PGAP6: variants seen among roughly 807,000 people sequenced by gnomAD.
The protein encoded by PGAP6 is post-GPI attachment to proteins 6.
In PGAP6, 62 loss-of-function variants were observed where a neutral mutation model predicts 68.4. The observed-to-expected ratio is 0.91, with a 90% CI of 0.74 to 1.12. PGAP6 has a LOEUF of 1.12. Ranked by LOEUF, PGAP6 falls within the 50% of genes most tolerant of loss-of-function variation. PGAP6 has a pLI of 0.00. For missense variants in PGAP6, 1,188 were observed against 1,068.5 expected (o/e 1.11, Z -1.56); for synonymous variants, 575 against 474.0 (o/e 1.21, Z -2.77).
chr16:377,465 A>G lies in PGAP6; in HGVS notation c.420T>C (p.Asn140=), dbSNP rs2054395824. The change falls in exon 3 of 13, where the codon AAT becomes AAC. Residue 140 remains asparagine, a synonymous_variant. Coordinates refer to ENST00000431232, the MANE Select transcript of PGAP6 (RefSeq NM_021259.3). ...GVPLSTTPRS[N]ASVNVSHPAP... ...CCGGGTGGGAAACGTTGACGGAGGC[A>G]TTGCTTCTCGGTGTGGTGCTCAGCG... 6 of 1,610,492 alleles carry G rather than the reference A, an allele frequency of 3.7e-6. No homozygotes were observed. The highest frequency in any genetic ancestry group is 1.6e-4 in the Middle Eastern group (1 of 6,064).
In PGAP6 at chr16:373,804, C is replaced by A. The variant is rs577465625; in HGVS notation, c.1902+201G>T. Among the ~76,000 whole-genome samples the A allele has an allele frequency of 1.0e-4, 14 of 137,004 alleles. No individual in the cohort carries two copies. In the East Asian group the frequency reaches 2.6e-3, roughly 25 times the overall value. 89.9% of individuals were successfully genotyped at this position (137,004 alleles called of 152,430 possible). On this transcript the variant is annotated intron_variant, in intron 11 of 12. Transcript: ENST00000431232. ...GATTACAGGTGTGAGCCACCATGCT[C>A]GGCCAAGGCATTACAGGTGTGAGCC...
chr16:374,350 G>A lies in PGAP6; in HGVS notation c.1626C>T (p.Ala542=). 1 of 1,601,770 alleles carries A rather than the reference G, an allele frequency of 6.2e-7. No homozygotes were observed. Among genetic ancestry groups the A allele is most frequent in the Non-Finnish European group, 8.5e-7 (1 of 1,178,928 alleles). ...GCAGCAGTGTGGCCGCCCTCTGCTG[G>A]GCCACCGTCTGGGCTGTGCTGTTGT... The part of the protein sequence containing the change: ...CTDNSTAQTV[A]QQRAATLLLT... The change falls in exon 10 of 13, where the codon GCC becomes GCT. Residue 542 remains alanine (A), a synonymous_variant. Transcript: ENST00000431232.
At position 376,831 on chromosome 16, in the gene PGAP6, G is replaced by A; in HGVS notation, c.636-19C>T. 6.2e-7 allele frequency: 1 copy of A among 1,600,336 alleles called. No individual in the cohort carries two copies. The highest frequency in any genetic ancestry group is 1.1e-5 in the South Asian group (1 of 90,918). On this transcript the variant is annotated intron_variant, in intron 4 of 12. Transcript: ENST00000431232. ...AAAGACCCTGCAGCGAGGGGACACA[G>A]CTGGCTCAGGCTCTGCCATTCCTCA...
chr16:372,891 G>A (rs1470399606), intron 11 of PGAP6, among the ~76,000 whole-genome samples, 164 bp from the exon 12 acceptor site: 1 of 152,158 alleles, frequency 6.6e-6, no homozygotes, highest in African/African-American at 2.4e-5. Flanking sequence ...CCAGCCGGCA[G>A]GGACATGCCC....
upstream of PGAP6, among the ~76,000 whole-genome samples, chr16:384,729 G>A (rs1008746060): frequency 6.6e-6 from 1 of 152,044 alleles, no homozygotes; most frequent in Non-Finnish European, 1.5e-5. Context: ...GGTGGCAGGT[G>A]CCTGTAGTCC....
Position 377,702 on chromosome 16 carries a change from C to T in PGAP6, c.268G>A (p.Gly90Ser), listed in dbSNP as rs778476114. The T allele has an allele frequency of 2.2e-5, 35 of 1,592,972 alleles. No individual in the cohort carries two copies. The highest frequency in any genetic ancestry group is 5.3e-5 in the Admixed American group (3 of 56,842). The change falls in exon 2 of 13, where the codon GGC becomes AGC. Residue 90 changes from glycine to serine, a missense_variant. Gly to Ser is a moderately conservative substitution (Grantham distance 56, BLOSUM62 0). Transcript: ENST00000431232. The stretch of plus-strand genomic sequence containing the variant: ...ATCTCCGCGTCGGTGCAGGCAGCGC[C>T]GCTCTCCCGGGAGACCTGCAGGAGC... ...RWLLQVSRES[G>S]AACTDAEITV... is the part of the protein sequence containing the mutation.
intron 4 of PGAP6, 86 bp from the exon 5 acceptor site, chr16:376,898 C>G: frequency 6.4e-7 from 1 of 1,566,340 alleles, no homozygotes; most frequent in Non-Finnish European, 8.6e-7. Context: ...GTTCCTCAGC[C>G]CACTCTGGTG....
upstream of PGAP6, chr16:382,025 CGGGGTCG>C (rs1396054225): frequency 1.3e-6 from 1 of 787,276 alleles, no homozygotes; most frequent in African/African-American, 2.1e-5. Context: ...AAGGCGAGGG[CGGGGTCG>C]GGGGGCGGGA....
In PGAP6 at chr16:381,767, C is replaced by G. The variant is rs2141768282; in HGVS notation, c.55G>C (p.Gly19Arg). Residue 19 changes from glycine to arginine, a missense_variant, in exon 1 of 13, where the codon GGG (glycine) becomes CGG (arginine). Coordinates refer to ENST00000431232, the MANE Select transcript of PGAP6 (RefSeq NM_021259.3). ...GCAAGCAGCAGCAGCAGCAGCGGCCCCGCCACCACCGCGGCCACCGCCTCG... is the reference window on the plus strand; with the variant it reads ...GCAAGCAGCAGCAGCAGCAGCGGCCGCGCCACCACCGCGGCCACCGCCTCG... ...GGEAVAAVVA[G>R]PLLLLLLARP... 8.4e-7 allele frequency: 1 copy of G among 1,193,542 alleles called. No individual in the cohort carries two copies. The highest frequency in any genetic ancestry group is 3.6e-5 in the East Asian group (1 of 27,596). 73.9% of individuals were successfully genotyped at this position (1,193,542 alleles called of 1,614,324 possible).
At chr16:385,647 T>C (rs533388774), upstream of PGAP6, among the ~76,000 whole-genome samples, 85 of 92,378 alleles carry the variant, frequency 9.2e-4, 2 homozygotes, top group African/African-American at 3.2e-3. Flanking sequence ...TTTTTTGAGA[T>C]GGAATCTCGC....
chr16:384,938 G>A (rs575600728), upstream of PGAP6, among the ~76,000 whole-genome samples: 18 of 152,036 alleles, frequency 1.2e-4, no homozygotes, highest in African/African-American at 4.1e-4. Flanking sequence ...TAAGGTGGGC[G>A]GGTCACCTGA....
Position 377,771 on chromosome 16 carries a change from G to A in PGAP6, c.199C>T (p.Leu67Phe). ...SFYSWYGSAR[L>F]FRFRVPPDAV... is the part of the protein sequence containing the mutation. ...TCTGGGGGCACGCGGAAGCGGAAGA[G>A]CCTGGCACTGCCGTACCAGCTGTAG... The change falls in exon 2 of 13, where the codon CTC (leucine) becomes TTC (phenylalanine). Residue 67 changes from leucine to phenylalanine, a missense_variant. Transcript: ENST00000431232. 3 of 1,587,044 alleles carry A rather than the reference G, an allele frequency of 1.9e-6. No homozygotes were observed. The highest frequency in any genetic ancestry group is 2.6e-6 in the Non-Finnish European group (3 of 1,167,504).
At chr16:373,930 G>A (rs1352135784) in intron 11 of PGAP6, 75 bp downstream of exon 11, 20 of 1,478,886 alleles carry the variant, frequency 1.4e-5, no homozygotes, top group South Asian at 6.5e-5. Context: ...CCTCTCCCAC[G>A]GTACTGCCTT....
chr16:374,958 C>T lies in PGAP6; in HGVS notation c.1440-66G>A, dbSNP rs928846264. On this transcript the variant is annotated intron_variant, in intron 8 of 12. Transcript: ENST00000431232. Reference sequence around the variant, plus strand: ...GACAGCCCAGCTGCCACCAGCGCTCCCAACAGGCTGACAGACATGAGAACG... The same window carrying T: ...GACAGCCCAGCTGCCACCAGCGCTCTCAACAGGCTGACAGACATGAGAACG... 2.5e-6 allele frequency: 4 copies of T among 1,605,256 alleles called. No individual in the cohort carries two copies. In the African/African-American group the frequency reaches 5.3e-5, roughly 21 times the overall value.
Position 377,156 on chromosome 16 carries a change from A to C in PGAP6, c.516T>G (p.Ala172=). The C allele has an allele frequency of 6.2e-7, 1 of 1,613,360 alleles. No homozygotes were observed. The highest frequency in any genetic ancestry group is 2.2e-5 in the East Asian group (1 of 44,876). Residue 172 remains alanine (A), a synonymous_variant, in exon 4 of 13, where the codon GCT becomes GCG. Coordinates refer to ENST00000431232, the MANE Select transcript of PGAP6 (RefSeq NM_021259.3). ...SSQKIELKGL[A]PTCAYVFQPE... Reference sequence around the variant, plus strand: ...GCTGGAAGACGTAGGCACAGGTGGGAGCCAAGCCCTAGGGAAAGAACAGGT... The same window carrying C: ...GCTGGAAGACGTAGGCACAGGTGGGCGCCAAGCCCTAGGGAAAGAACAGGT...
chr16:378,404 G>T lies in PGAP6; in HGVS notation c.122-556C>A, dbSNP rs112037693. ...GCCACCCTGACTGCCATCGCCACCC[G>T]CACTGCCATCGCCACCCACACTGCC... is the stretch of plus-strand genomic sequence containing the variant. On this transcript the variant is annotated intron_variant, in intron 1 of 12. Transcript: ENST00000431232. 7.2e-3 allele frequency among the ~76,000 whole-genome samples: 136 copies of T among 18,854 alleles called. 1 individual carries two copies. Among genetic ancestry groups the T allele is most frequent in the Middle Eastern group, 0.038 (1 of 26 alleles). 12.4% of individuals were successfully genotyped at this position (18,854 alleles called of 152,430 possible).
Position 377,141 on chromosome 16 carries a change from G to T in PGAP6, c.531C>A (p.Tyr177Ter), listed in dbSNP as rs755896346. Reference protein sequence around the residue: ...ELKGLAPTCAYVFQPELLVTR... With the variant: ...ELKGLAPTCA ...TGACCAGCAGTTCAGGCTGGAAGACGTAGGCACAGGTGGGAGCCAAGCCCT... is the reference window on the plus strand; with the variant it reads ...TGACCAGCAGTTCAGGCTGGAAGACTTAGGCACAGGTGGGAGCCAAGCCCT... Residue 177 changes from tyrosine to a stop codon, truncating the protein, a stop_gained, in exon 4 of 13, where the codon TAC (tyrosine) becomes TAA (stop). Coordinates refer to ENST00000431232, the MANE Select transcript of PGAP6 (RefSeq NM_021259.3). LOFTEE classifies it high-confidence loss of function. 5 of 1,613,490 alleles carry T rather than the reference G, an allele frequency of 3.1e-6. No homozygotes were observed. The highest frequency in any genetic ancestry group is 4.2e-6 in the Non-Finnish European group (5 of 1,180,024).
chr16:378,644 G>A (rs2054413799), intron 1 of PGAP6, among the ~76,000 whole-genome samples: 1 of 152,182 alleles, frequency 6.6e-6, no homozygotes, highest in South Asian at 2.1e-4. Context: ...GGATATCAAG[G>A]CACGGTCCTC....
rs1448547993 is a variant in PGAP6, at chr16:380,751, G to GC, written c.121+949dup. On this transcript the variant is annotated intron_variant, in intron 1 of 12. Coordinates refer to ENST00000431232, the MANE Select transcript of PGAP6 (RefSeq NM_021259.3). The stretch of plus-strand genomic sequence containing the variant: ...CCAAGCTCAGAAAGCAGGAGGCACA[G>GC]CCCCCGAAAGAAACAGGAGCTCAAA... 3.6e-5 allele frequency among the ~76,000 whole-genome samples: 5 copies of GC among 138,328 alleles called. No homozygotes were observed. The East Asian group carries it at 7.7e-4, about 21-fold the overall frequency. 90.7% of individuals were successfully genotyped at this position (138,328 alleles called of 152,430 possible). A position where few individuals can be genotyped will look rare whatever the true frequency, so the allele number is the denominator to read the frequency against.
Sources: gnomAD v4.1 joint callset for allele counts (sites outside exome capture counted in the v4.1 genomes callset) on GRCh38, gnomAD v4.1.1 for gene constraint, MANE v1.5 for transcripts, NCBI Gene and HGNC (gene_info 2026-07-23, HGNC 2026-07-21) for gene names.